The following ATP2B2 variants were observed in gnomAD, a reference collection of about 807,000 sequenced individuals.
The protein encoded by ATP2B2 is plasma membrane calcium-transporting ATPase 2.
Under a neutral mutation model 120.0 loss-of-function variants are expected in ATP2B2, and 15 were observed. The observed-to-expected ratio is 0.12, with a 90% CI of 0.08 to 0.19. The LOEUF is 0.19. Among genes scored for constraint, ATP2B2 ranks in the 10% least tolerant of loss-of-function variants. The pLI is 1.00. For missense variants in ATP2B2, 1,045 were observed against 1,719.8 expected, an observed-to-expected ratio of 0.61 and a Z score of 6.94; for synonymous variants, 694 against 700.3, an observed-to-expected ratio of 0.99 and a Z score of 0.14.
chr3:10,456,682 C>A (rs536107011), intron 1 of ATP2B2, among the ~76,000 whole-genome samples: 13 of 152,374 alleles, frequency 8.5e-5, no homozygotes, highest in African/African-American at 3.1e-4. Flanking sequence ...CTTTCCCATG[C>A]CCACCAGGCT....
chr3:10,410,538 G>A, intron 3 of ATP2B2, 80 bp downstream of exon 3: 1 of 1,463,184 alleles, frequency 6.8e-7, no homozygotes, highest in Non-Finnish European at 9.3e-7. Context: ...AGGATTATTT[G>A]TGTGAGCCGT....
At chr3:10,576,914 T>C (rs371732162) in intron 2 of ATP2B2, among the ~76,000 whole-genome samples, 192 of 151,832 alleles carry the variant, frequency 1.3e-3, no homozygotes, top group East Asian at 2.3e-3. Flanking sequence ...ATTAGCCTGG[T>C]ATGGTGGCGG....
chr3:10,531,133 G>A (rs2067200878), intron 3 of ATP2B2, among the ~76,000 whole-genome samples: 3 of 152,176 alleles, frequency 2.0e-5, no homozygotes, highest in Admixed American at 2.0e-4. Context: ...GCAGCCTCTG[G>A]GAGGACCTTT....
chr3:10,486,315 G>A (rs2065653282), intron 1 of ATP2B2, among the ~76,000 whole-genome samples: 1 of 100,934 alleles, frequency 9.9e-6, no homozygotes, highest in East Asian at 2.8e-4. Context: ...AGCCAGGTGT[G>A]TGTGCGTGCG....
In ATP2B2 at chr3:10,340,116, G is replaced by A. The variant is rs1695895273; in HGVS notation, c.3237+126C>T. On this transcript the variant is annotated intron_variant, in intron 21 of 22. Coordinates refer to ENST00000360273, the MANE Select transcript of ATP2B2 (RefSeq NM_001001331.4). This position sits in a 1 kb window ranked among gnomAD's most constrained non-coding sequence, Gnocchi z 5.0. ...CTGGGACAAACCCCCTTGCTCAGAT[G>A]TCCAGAGATAGGGAGGAGCTTGCCT... 4 of 872,848 alleles carry A rather than the reference G, an allele frequency of 4.6e-6. No homozygotes were observed. In the South Asian group the frequency reaches 5.6e-5, roughly 12 times the overall value. The allele number at this position is 872,848 out of a possible 1,614,324, so 54.1% of individuals were successfully genotyped here.
At chr3:10,437,580 G>A (rs564629362) in intron 2 of ATP2B2, among the ~76,000 whole-genome samples, 191 of 152,326 alleles carry the variant, frequency 1.3e-3, no homozygotes, top group African/African-American at 4.5e-3. Flanking sequence ...CAGTACAGCA[G>A]TGAGCGTGTC....
intron 2 of ATP2B2, among the ~76,000 whole-genome samples, chr3:10,565,236 C>T (rs2067985498): frequency 1.3e-5 from 2 of 152,156 alleles, no homozygotes; most frequent in African/African-American, 4.8e-5. Context: ...AAAAAGTTTT[C>T]TACCCTGCTA....
chr3:10,539,518 G>A (rs186524902), intron 2 of ATP2B2, among the ~76,000 whole-genome samples: 222 of 152,114 alleles, frequency 1.5e-3, no homozygotes, highest in African/African-American at 5.2e-3. Context: ...CCAAAACAGA[G>A]ATACAGACCA....
intron 1 of ATP2B2, among the ~76,000 whole-genome samples, chr3:10,630,527 A>G (rs1485959796): frequency 1.3e-5 from 2 of 152,134 alleles, no homozygotes; most frequent in Admixed American, 6.5e-5. Flanking sequence ...GCTTCATAGT[A>G]TTCCATGGTG....
At chr3:10,434,093 G>A (rs1286482615) in intron 2 of ATP2B2, among the ~76,000 whole-genome samples, 1 of 152,236 alleles carries the variant, frequency 6.6e-6, no homozygotes, top group East Asian at 1.9e-4. Context: ...CAGCTAGGGG[G>A]TGGGGCATAC....
intron 2 of ATP2B2, among the ~76,000 whole-genome samples, chr3:10,590,449 G>A (rs58874744): frequency 0.069 from 10,460 of 152,244 alleles, 430 homozygotes; most frequent in South Asian, 0.16. Flanking sequence ...TAGAACAAAA[G>A]CCTTCTAGAG....
chr3:10,636,306 GA>G (rs1200584044), intron 1 of ATP2B2, among the ~76,000 whole-genome samples: 3 of 152,136 alleles, frequency 2.0e-5, no homozygotes, highest in East Asian at 3.9e-4. Flanking sequence ...CATTTCCCAG[GA>G]GATGCACAGC....
chr3:10,628,671 C>A (rs1175981211), intron 1 of ATP2B2, among the ~76,000 whole-genome samples: 1 of 152,220 alleles, frequency 6.6e-6, no homozygotes, highest in Non-Finnish European at 1.5e-5. Context: ...ATAGCAACTG[C>A]CACGGTGGGA....
At chr3:10,385,444 T>A (rs185082021) in intron 7 of ATP2B2, 117 bp from the exon 8 acceptor site, 16 of 836,886 alleles carry the variant, frequency 1.9e-5, no homozygotes, top group East Asian at 1.1e-4. Context: ...AAAAAAAAAA[T>A]TATCCTTTGG....
At chr3:10,354,162 T>C (rs1009846685) in intron 14 of ATP2B2, among the ~76,000 whole-genome samples, 10 of 152,308 alleles carry the variant, frequency 6.6e-5, no homozygotes, top group Admixed American at 2.0e-4. Context: ...CATTCCTGAT[T>C]CCTGCACCCC....
At chr3:10,369,041 G>C (rs2061151177) in intron 12 of ATP2B2, among the ~76,000 whole-genome samples, 1 of 152,216 alleles carries the variant, frequency 6.6e-6, no homozygotes, top group Non-Finnish European at 1.5e-5. Flanking sequence ...TGGCCTCCTT[G>C]TGGAGGGGGA....
intron 2 of ATP2B2, among the ~76,000 whole-genome samples, chr3:10,581,521 A>C (rs2068390034): frequency 6.6e-6 from 1 of 152,188 alleles, no homozygotes; most frequent in Admixed American, 6.5e-5. Context: ...GACTCCAAAA[A>C]TGATGTTTGT....
intron 2 of ATP2B2, among the ~76,000 whole-genome samples, chr3:10,422,889 C>T (rs903843092): frequency 6.6e-6 from 1 of 152,220 alleles, no homozygotes; most frequent in Non-Finnish European, 1.5e-5. Flanking sequence ...AGGCTGAGTT[C>T]CCACTCTTCT....
At chr3:10,436,614 C>G (rs1277919006) in intron 2 of ATP2B2, among the ~76,000 whole-genome samples, 1 of 152,252 alleles carries the variant, frequency 6.6e-6, no homozygotes, top group Non-Finnish European at 1.5e-5. Flanking sequence ...AGTCGTGCCA[C>G]TGATCCCTGC....
Sources: gnomAD v4.1 joint callset for allele counts (sites outside exome capture counted in the v4.1 genomes callset) on GRCh38, gnomAD v4.1.1 for gene constraint, Gnocchi (gnomAD v3.1) non-coding constraint, MANE v1.5 for transcripts, NCBI Gene and HGNC (gene_info 2026-07-23, HGNC 2026-07-21) for gene names.